Variants in DLG2 observed in about 807,000 individuals in gnomAD.
The protein encoded by DLG2 is disks large homolog 2.
DLG2 carries 45 observed loss-of-function variants against 132.5 expected under a neutral mutation model. The ratio of observed to expected loss-of-function variants is 0.34; its 90% CI spans 0.27 to 0.44. The LOEUF is 0.44. Ranked by LOEUF, DLG2 falls within the 20% of genes least tolerant of loss-of-function variation. The pLI, the probability that DLG2 is intolerant of heterozygous loss-of-function variation, is 1.00. For synonymous variants in DLG2, 424 were observed against 419.6 expected (o/e 1.01, Z -0.13); for missense variants, 1,045 against 1,196.9 (o/e 0.87, Z 1.87).
intron 6 of DLG2, among the ~76,000 whole-genome samples, chr11:84,559,207 T>C (rs747854043): frequency 2.0e-5 from 3 of 152,144 alleles, no homozygotes; most frequent in East Asian, 1.9e-4. Context: ...TTATATTGCC[T>C]GAACTTTTAT....
At chr11:85,457,184 C>CTTTTTTTTTTTTTTTTTTTTT (rs35970313) in intron 3 of DLG2, among the ~76,000 whole-genome samples, 1 of 132,582 alleles carries the variant, frequency 7.5e-6, no homozygotes. Context: ...CCTTCTTTGT[C>CTTTTTTTTTTTTTTTTTTTTT]TTTTTTTTTT....
intron 4 of DLG2, among the ~76,000 whole-genome samples, chr11:85,209,333 G>A (rs567452647): frequency 6.6e-6 from 1 of 151,096 alleles, no homozygotes; most frequent in Non-Finnish European, 1.5e-5. Flanking sequence ...GATTCTTCTT[G>A]TACTAGGGCT....
At chr11:83,497,323 A>T (rs1591855253) in intron 21 of DLG2, among the ~76,000 whole-genome samples, 1 of 152,302 alleles carries the variant, frequency 6.6e-6, no homozygotes, top group East Asian at 1.9e-4. Context: ...TAGGTGGATC[A>T]CCTGAGCTCA....
intron 3 of DLG2, among the ~76,000 whole-genome samples, chr11:85,502,509 A>T (rs557418738): frequency 6.6e-6 from 1 of 152,238 alleles, no homozygotes; most frequent in African/African-American, 2.4e-5. Context: ...AGGGACATGG[A>T]TGAAGGTGGA....
intron 6 of DLG2, among the ~76,000 whole-genome samples, chr11:84,774,303 C>T (rs58179599): frequency 0.014 from 2,176 of 151,932 alleles, 50 homozygotes; most frequent in African/African-American, 0.049. Flanking sequence ...ATGACAAAAA[C>T]GAATGGAATA....
At chr11:83,906,283 ACACACACAC>A (rs2074912936) in intron 15 of DLG2, among the ~76,000 whole-genome samples, 1 of 132,750 alleles carries the variant, frequency 7.5e-6, no homozygotes, top group Non-Finnish European at 1.6e-5. Flanking sequence ...ACACACACAC[ACACACACAC>A]ACACACACAC....
rs1367741930 is a variant in DLG2, at chr11:84,121,588, G to A, written c.625-22541C>T. 2.4e-5 allele frequency among the ~76,000 whole-genome samples: 2 copies of A among 84,560 alleles called. 1 individual carries two copies. The highest frequency in any genetic ancestry group is 4.3e-5 in the Non-Finnish European group (2 of 46,410). The allele number at this position is 84,560 out of a possible 152,430, so 55.5% of individuals were successfully genotyped here. On this transcript the variant is annotated intron_variant, in intron 9 of 27. Coordinates refer to ENST00000376104, the MANE Select transcript of DLG2 (RefSeq NM_001142699.3). Reference sequence around the variant, plus strand: ...TTTTTTTTTTTTTTTTTGAGACGGAGTCTCGCTCTGTGGCCCAGGCTGGAG... The same window carrying A: ...TTTTTTTTTTTTTTTTTGAGACGGAATCTCGCTCTGTGGCCCAGGCTGGAG...
intron 6 of DLG2, among the ~76,000 whole-genome samples, chr11:84,962,226 C>G (rs543881457): frequency 1.3e-5 from 2 of 152,162 alleles, no homozygotes; most frequent in Admixed American, 1.3e-4. Context: ...TGAAACTTCA[C>G]GAGGGAGAGT....
chr11:83,858,342 G>A (rs1272768983), intron 16 of DLG2, among the ~76,000 whole-genome samples: 1 of 152,104 alleles, frequency 6.6e-6, no homozygotes, highest in Admixed American at 6.6e-5. Flanking sequence ...TTTCTCCACT[G>A]AAATCATTCC....
chr11:84,111,347 G>A (rs1201720954), intron 9 of DLG2, among the ~76,000 whole-genome samples: 1 of 152,152 alleles, frequency 6.6e-6, no homozygotes, highest in Non-Finnish European at 1.5e-5. Context: ...AGATGCGAAG[G>A]CCCTTCCTTC....
At chr11:84,730,351 T>C (rs1294069664) in intron 6 of DLG2, among the ~76,000 whole-genome samples, 1 of 152,030 alleles carries the variant, frequency 6.6e-6, no homozygotes, top group African/African-American at 2.4e-5. Flanking sequence ...AAAGTACCTA[T>C]CAAAATGCTT....
chr11:84,960,056 T>C (rs1230779030), intron 6 of DLG2, among the ~76,000 whole-genome samples: 1 of 152,236 alleles, frequency 6.6e-6, no homozygotes, highest in Non-Finnish European at 1.5e-5. Flanking sequence ...ACATACCATC[T>C]CATTTTAAAG....
intron 3 of DLG2, among the ~76,000 whole-genome samples, chr11:85,504,047 T>G (rs1439369386): frequency 6.6e-6 from 1 of 152,174 alleles, no homozygotes; most frequent in Non-Finnish European, 1.5e-5. Flanking sequence ...CGCCCACTTT[T>G]TGAGGGGGAT....
intron 6 of DLG2, among the ~76,000 whole-genome samples, chr11:84,716,707 CAA>C (rs397848908): frequency 4.6e-4 from 36 of 78,342 alleles, no homozygotes; most frequent in East Asian, 1.2e-3. Context: ...TGGACAGGGG[CAA>C]AAAAAAAAAA....
At chr11:83,786,577 A>C (rs2039997927) in intron 18 of DLG2, 113 bp downstream of exon 18, 1 of 888,658 alleles carries the variant, frequency 1.1e-6, no homozygotes, top group Non-Finnish European at 1.8e-6. Context: ...CACTATAGGT[A>C]GGTTTACAAA....
intron 8 of DLG2, among the ~76,000 whole-genome samples, chr11:84,213,914 T>A (rs1389465489): frequency 1.3e-5 from 2 of 151,344 alleles, no homozygotes; most frequent in Admixed American, 6.6e-5. Flanking sequence ...GTTTTTGTTA[T>A]TGCACTAGCT....
At chr11:84,233,433 G>A (rs2097120665) in intron 8 of DLG2, among the ~76,000 whole-genome samples, 1 of 152,196 alleles carries the variant, frequency 6.6e-6, no homozygotes, top group South Asian at 2.1e-4. Context: ...AGCTTGCACA[G>A]GGGAATGCTG....
chr11:85,222,867 A>T (rs1370989500), intron 4 of DLG2, among the ~76,000 whole-genome samples: 1 of 152,158 alleles, frequency 6.6e-6, no homozygotes, highest in African/African-American at 2.4e-5. Context: ...AAATGGGTCA[A>T]GTTAGCTTGG....
intron 7 of DLG2, among the ~76,000 whole-genome samples, chr11:84,251,637 C>CTTTTTTTTTTTTTTTTT (rs369651884): frequency 7.7e-6 from 1 of 130,040 alleles, no homozygotes. Context: ...TGTATCTTTT[C>CTTTTTTTTTTTTTTTTT]TTTCTTTTTT....
Sources: allele counts gnomAD v4.1 joint callset (sites outside exome capture counted in the v4.1 genomes callset), GRCh38; gene constraint gnomAD v4.1.1; transcripts MANE v1.5; gene names NCBI Gene and HGNC (gene_info 2026-07-23, HGNC 2026-07-21).